Variants in MUSK observed in about 807,000 individuals in gnomAD.
The protein encoded by MUSK is muscle, skeletal receptor tyrosine-protein kinase.
Under a neutral mutation model 88.7 loss-of-function variants are expected in MUSK, and 55 were observed. That is an observed-to-expected ratio of 0.62 (90% CI 0.50 to 0.78). MUSK has a LOEUF of 0.78. MUSK is among the 30% of genes least tolerant of loss of function. MUSK has a pLI of 0.00. For missense variants in MUSK, 1,015 were observed against 1,074.3 expected (o/e 0.94, Z 0.77); for synonymous variants, 387 against 391.9 (o/e 0.99, Z 0.15).
At chr9:110,671,282 A>G (rs1018410698) in intron 1 of MUSK, among the ~76,000 whole-genome samples, 12 of 152,118 alleles carry the variant, frequency 7.9e-5, no homozygotes, top group Non-Finnish European at 1.3e-4. Context: ...ATACTACTGA[A>G]ACTAATAAAA....
intron 3 of MUSK, among the ~76,000 whole-genome samples, chr9:110,695,016 A>G (rs1054977839): frequency 1.3e-5 from 2 of 152,162 alleles, no homozygotes; most frequent in South Asian, 2.1e-4. Context: ...ATATAGTTAT[A>G]TCAAAATTTT....
intron 13 of MUSK, among the ~76,000 whole-genome samples, chr9:110,787,090 C>T (rs1210651818): frequency 3.9e-5 from 6 of 152,084 alleles, no homozygotes; most frequent in Admixed American, 2.6e-4. Context: ...TGGCTGGGCG[C>T]GATGGCTCAC....
chr9:110,780,147 A>G (rs188083529), intron 11 of MUSK, among the ~76,000 whole-genome samples: 10 of 152,074 alleles, frequency 6.6e-5, no homozygotes, highest in African/African-American at 9.7e-5. Flanking sequence ...TTTTATCCCT[A>G]CTATCTTAAC....
chr9:110,757,989 GTC>G (rs897046450), intron 7 of MUSK, among the ~76,000 whole-genome samples: 3 of 152,118 alleles, frequency 2.0e-5, no homozygotes, highest in African/African-American at 7.2e-5. Context: ...TTGAGACAGA[GTC>G]TCTCTCTCTT....
Position 110,708,436 on chromosome 9 carries a change from T to C in MUSK, c.628+10970T>C, listed in dbSNP as rs779547178. 7.2e-5 allele frequency among the ~76,000 whole-genome samples: 11 copies of C among 152,174 alleles called. 1 individual carries two copies. Among genetic ancestry groups the C allele is most frequent in the Non-Finnish European group, 5.9e-5 (4 of 68,026 alleles). On this transcript the variant is annotated intron_variant, in intron 5 of 14. Transcript: ENST00000374448. ...GCAGTGGTCCTGTTCCCGGCATCAG[T>C]CCTAATTGTTTGATGCCACTAACAG...
At chr9:110,715,820 A>G (rs552386525) in intron 5 of MUSK, among the ~76,000 whole-genome samples, 1 of 149,352 alleles carries the variant, frequency 6.7e-6, no homozygotes, top group South Asian at 2.1e-4. Context: ...TGCCCTTTGA[A>G]GGGACATAGA....
intron 1 of MUSK, among the ~76,000 whole-genome samples, chr9:110,680,017 C>T (rs1273067307): frequency 6.6e-6 from 1 of 152,052 alleles, no homozygotes; most frequent in Non-Finnish European, 1.5e-5. Context: ...TTTTATAACT[C>T]ACCCCTTTCT....
chr9:110,753,367 G>T (rs1365829454), intron 7 of MUSK, among the ~76,000 whole-genome samples: 1 of 151,606 alleles, frequency 6.6e-6, no homozygotes, highest in Non-Finnish European at 1.5e-5. Context: ...GGGAGATGGA[G>T]GCTGCAATGA....
intron 1 of MUSK, among the ~76,000 whole-genome samples, chr9:110,674,112 T>C (rs535449416): frequency 1.3e-5 from 2 of 152,242 alleles, no homozygotes; most frequent in African/African-American, 4.8e-5. Flanking sequence ...TGCTCTTGTT[T>C]ATTTCTGCAG....
chr9:110,675,614 G>T (rs1173274655), intron 1 of MUSK, among the ~76,000 whole-genome samples: 3 of 124,544 alleles, frequency 2.4e-5, no homozygotes, highest in African/African-American at 9.4e-5. Context: ...CTGTTGCCCA[G>T]GCTGGAGTGC....
In MUSK at chr9:110,687,116, G is replaced by C; in HGVS notation, c.207-1G>C. 3.1e-6 allele frequency: 5 copies of C among 1,611,294 alleles called. No homozygotes were observed. Among genetic ancestry groups the C allele is most frequent in the Non-Finnish European group, 4.2e-6 (5 of 1,178,294 alleles). On this transcript the variant is annotated splice_acceptor_variant, in intron 2 of 14. Transcript: ENST00000374448. LOFTEE classifies it high-confidence loss of function. ...CTGTCATTTTTTTCTGTGACCTGCAGACTCTTTGACACCCGGTACAGCATC... is the reference window on the plus strand; with the variant it reads ...CTGTCATTTTTTTCTGTGACCTGCACACTCTTTGACACCCGGTACAGCATC...
At chr9:110,790,620 T>C (rs1388171995) in intron 14 of MUSK, among the ~76,000 whole-genome samples, 1 of 152,170 alleles carries the variant, frequency 6.6e-6, no homozygotes, top group East Asian at 1.9e-4. Context: ...AGCCAGTCTC[T>C]TCTGATTGAT....
chr9:110,678,828 GCTATT>G (rs1165160603), intron 1 of MUSK, among the ~76,000 whole-genome samples: 1 of 151,886 alleles, frequency 6.6e-6, no homozygotes, highest in African/African-American at 2.4e-5. Flanking sequence ...TACTAATTCT[GCTATT>G]CTGTTTTACT....
chr9:110,679,637 G>A (rs1034563899), intron 1 of MUSK, among the ~76,000 whole-genome samples: 1 of 150,982 alleles, frequency 6.6e-6, no homozygotes, highest in African/African-American at 2.5e-5. Flanking sequence ...TCTTCTTCCT[G>A]TTTGTTTTTG....
intron 5 of MUSK, among the ~76,000 whole-genome samples, chr9:110,714,587 C>G (rs1036365266): frequency 2.0e-5 from 3 of 152,132 alleles, no homozygotes; most frequent in Admixed American, 6.6e-5. Flanking sequence ...ACACCAGGAT[C>G]GGGTTTCTTT....
chr9:110,727,036 A>T (rs1281611082), intron 5 of MUSK, among the ~76,000 whole-genome samples: 1 of 152,132 alleles, frequency 6.6e-6, no homozygotes, highest in East Asian at 1.9e-4. Context: ...TGTAAAAAAA[A>T]GATTTCTTCA....
At chr9:110,751,349 A>T (rs1055779837) in intron 7 of MUSK, among the ~76,000 whole-genome samples, 1 of 152,216 alleles carries the variant, frequency 6.6e-6, no homozygotes, top group Non-Finnish European at 1.5e-5. Flanking sequence ...TAGGAAGGCC[A>T]TGTCCTAGGG....
intron 5 of MUSK, among the ~76,000 whole-genome samples, chr9:110,711,823 A>G (rs2076675361): frequency 6.6e-6 from 1 of 152,212 alleles, no homozygotes; most frequent in Non-Finnish European, 1.5e-5. Flanking sequence ...GGGAGACTAT[A>G]AGGAACAATT....
chr9:110,739,955 C>T (rs575177636), intron 6 of MUSK, among the ~76,000 whole-genome samples: 2 of 152,018 alleles, frequency 1.3e-5, no homozygotes, highest in Non-Finnish European at 2.9e-5. Flanking sequence ...TATCATATTA[C>T]AATATATTAA....
Sources: allele counts gnomAD v4.1 joint callset (sites outside exome capture counted in the v4.1 genomes callset), GRCh38; gene constraint gnomAD v4.1.1; transcripts MANE v1.5; gene names NCBI Gene and HGNC (gene_info 2026-07-23, HGNC 2026-07-21).